The following DPP10 variants were observed in gnomAD, a reference collection of about 807,000 sequenced individuals.
The protein encoded by DPP10 is inactive dipeptidyl peptidase 10.
Under a neutral mutation model 120.9 loss-of-function variants are expected in DPP10, and 33 were observed. The ratio of observed to expected loss-of-function variants is 0.27; its 90% CI spans 0.21 to 0.37. The LOEUF is 0.37. DPP10 is among the 10% of genes least tolerant of loss of function. DPP10 has a pLI of 1.00. For synonymous variants in DPP10, 337 were observed against 326.1 expected, an observed-to-expected ratio of 1.03 and a Z score of -0.36; for missense variants, 816 against 942.8, an observed-to-expected ratio of 0.87 and a Z score of 1.76.
intron 2 of DPP10, among the ~76,000 whole-genome samples, chr2:115,336,583 GTCTC>G (rs937225864): frequency 3.1e-5 from 3 of 97,142 alleles, no homozygotes; most frequent in African/African-American, 7.9e-5. Context: ...CTCTCTCTCT[GTCTC>G]TCTCTCTCTC....
rs944120961 is a variant in DPP10, at chr2:114,588,432, C to T, written c.60+145594C>T. Among the ~76,000 whole-genome samples the T allele has an allele frequency of 1.8e-4, 28 of 152,164 alleles. 1 individual carries two copies. The highest frequency in any genetic ancestry group is 1.6e-3 in the Admixed American group (24 of 15,272). On this transcript the variant is annotated intron_variant, in intron 1 of 25. Coordinates refer to ENST00000410059, the MANE Select transcript of DPP10 (RefSeq NM_020868.6). ...AACGTTAAATGAAAATAAAAGCAGA[C>T]TTTGGTCCTATAGCATTGCAGGATG...
At chr2:115,326,798 G>A (rs1607192) in intron 2 of DPP10, among the ~76,000 whole-genome samples, 23,408 of 152,012 alleles carry the variant, frequency 0.15, 2,262 homozygotes, top group East Asian at 0.36. Context: ...TGTCAAATGT[G>A]TTTTTAAGCT....
At chr2:114,506,665 C>T (rs1683685993) in intron 1 of DPP10, among the ~76,000 whole-genome samples, 1 of 152,148 alleles carries the variant, frequency 6.6e-6, no homozygotes, top group South Asian at 2.1e-4. Context: ...CAAAAACACT[C>T]ATCCTGGCTC....
At chr2:114,617,987 C>T (rs1693801976) in intron 1 of DPP10, among the ~76,000 whole-genome samples, 1 of 152,012 alleles carries the variant, frequency 6.6e-6, no homozygotes, top group Non-Finnish European at 1.5e-5. Flanking sequence ...CAGATTTTCT[C>T]TACATGTCAG....
chr2:115,639,861 A>G (rs2149345056), intron 5 of DPP10, among the ~76,000 whole-genome samples: 1 of 152,196 alleles, frequency 6.6e-6, no homozygotes, highest in Non-Finnish European at 1.5e-5. Flanking sequence ...TGCTAACGTC[A>G]TGTCAGGTAC....
At chr2:115,481,755 C>G (rs888892934) in intron 3 of DPP10, among the ~76,000 whole-genome samples, 5 of 151,986 alleles carry the variant, frequency 3.3e-5, no homozygotes, top group South Asian at 2.1e-4. Flanking sequence ...GTTCATCTAT[C>G]TTGTACTATG....
intron 5 of DPP10, among the ~76,000 whole-genome samples, chr2:115,619,317 C>T (rs1297935398): frequency 4.6e-5 from 7 of 151,462 alleles, no homozygotes; most frequent in South Asian, 2.1e-4. Context: ...CCTCATGATC[C>T]GCCCGCGTCG....
intron 5 of DPP10, among the ~76,000 whole-genome samples, chr2:115,601,064 C>A (rs2083292433): frequency 6.6e-6 from 1 of 152,172 alleles, no homozygotes; most frequent in Non-Finnish European, 1.5e-5. Flanking sequence ...CAAGTCTTTT[C>A]TAGGTCCTAT....
At chr2:115,447,156 G>A (rs2072679952) in intron 3 of DPP10, among the ~76,000 whole-genome samples, 1 of 152,182 alleles carries the variant, frequency 6.6e-6, no homozygotes, top group Non-Finnish European at 1.5e-5. Context: ...AATCAAAGGA[G>A]CTTTAAGATT....
chr2:115,315,842 T>A (rs2061767123), intron 2 of DPP10, among the ~76,000 whole-genome samples: 1 of 152,314 alleles, frequency 6.6e-6, no homozygotes, highest in Non-Finnish European at 1.5e-5. Context: ...TCCCCCTGGA[T>A]AATATGGATT....
intron 1 of DPP10, among the ~76,000 whole-genome samples, chr2:114,961,834 A>T (rs1255581941): frequency 6.6e-6 from 1 of 152,094 alleles, no homozygotes; most frequent in Non-Finnish European, 1.5e-5. Context: ...AGCACCTGTA[A>T]TCCCAGCTAC....
At chr2:114,546,927 A>T (rs1226514433) in intron 1 of DPP10, among the ~76,000 whole-genome samples, 1 of 152,244 alleles carries the variant, frequency 6.6e-6, no homozygotes, top group Non-Finnish European at 1.5e-5. Flanking sequence ...TTTTATTCTT[A>T]TTCTGATCCC....
At chr2:115,139,323 C>G (rs1044777461) in intron 1 of DPP10, among the ~76,000 whole-genome samples, 13 of 151,812 alleles carry the variant, frequency 8.6e-5, no homozygotes, top group African/African-American at 2.7e-4. Context: ...AAGATGGTGT[C>G]AGAGACAAAA....
At chr2:115,196,559 C>T (rs2055282832) in intron 1 of DPP10, among the ~76,000 whole-genome samples, 1 of 152,106 alleles carries the variant, frequency 6.6e-6, no homozygotes, top group Admixed American at 6.6e-5. Flanking sequence ...ATTGCACTGA[C>T]CCATAATAGC....
At chr2:115,271,930 C>T (rs943987266) in intron 1 of DPP10, among the ~76,000 whole-genome samples, 1 of 152,090 alleles carries the variant, frequency 6.6e-6, no homozygotes, top group Non-Finnish European at 1.5e-5. Context: ...CTTATTTAAT[C>T]AAATACATGT....
intron 1 of DPP10, among the ~76,000 whole-genome samples, chr2:115,291,376 A>T (rs1346803288): frequency 6.6e-6 from 1 of 152,106 alleles, no homozygotes; most frequent in East Asian, 1.9e-4. Flanking sequence ...ATAGAACATT[A>T]TTAAATTTGA....
At chr2:115,216,299 A>G (rs936465603) in intron 1 of DPP10, among the ~76,000 whole-genome samples, 21 of 152,240 alleles carry the variant, frequency 1.4e-4, no homozygotes, top group South Asian at 1.2e-3. Flanking sequence ...CCCTGAATCT[A>G]TAACAGTGAA....
In DPP10 at chr2:115,836,136, A is replaced by G. The variant is rs767894741; in HGVS notation, c.1951-21A>G. The G allele has an allele frequency of 4.6e-5, 55 of 1,203,564 alleles. No homozygotes were observed. In the Middle Eastern group the frequency reaches 1.4e-3, roughly 31 times the overall value. 74.6% of individuals were successfully genotyped at this position (1,203,564 alleles called of 1,614,324 possible). A position where few individuals can be genotyped will look rare whatever the true frequency, so the allele number is the denominator to read the frequency against. Reference sequence around the variant, plus strand: ...GTGTGTGAGATATATATATATATATATATATATTTTTCCCCCCCAGGGTTA... The same window carrying G: ...GTGTGTGAGATATATATATATATATGTATATATTTTTCCCCCCCAGGGTTA... On this transcript the variant is annotated intron_variant, in intron 21 of 25. Transcript: ENST00000410059.
intron 3 of DPP10, among the ~76,000 whole-genome samples, chr2:115,378,898 A>T (rs2066042434): frequency 6.6e-6 from 1 of 152,184 alleles, no homozygotes; most frequent in African/African-American, 2.4e-5. Context: ...CCCAGGGATG[A>T]AGCCCACTTG....
Sources: gnomAD v4.1 joint callset for allele counts (sites outside exome capture counted in the v4.1 genomes callset) on GRCh38, gnomAD v4.1.1 for gene constraint, MANE v1.5 for transcripts, NCBI Gene and HGNC (gene_info 2026-07-23, HGNC 2026-07-21) for gene names.